The following EYA1 variants were observed in gnomAD, a reference collection of about 807,000 sequenced individuals.
EYA1 encodes the protein EYA transcriptional coactivator and phosphatase 1.
EYA1 carries 16 observed loss-of-function variants against 82.0 expected under a neutral mutation model. The observed-to-expected ratio is 0.20, with a 90% CI of 0.13 to 0.30. EYA1 has a LOEUF of 0.30. Among genes scored for constraint, EYA1 ranks in the 10% least tolerant of loss-of-function variants. EYA1 has a pLI of 1.00. For synonymous variants in EYA1, 261 were observed against 264.4 expected (o/e 0.99, Z 0.12); for missense variants, 633 against 730.7 (o/e 0.87, Z 1.54).
intron 2 of EYA1, among the ~76,000 whole-genome samples, chr8:71,513,628 A>G (rs1426972394): frequency 3.9e-5 from 6 of 152,032 alleles, no homozygotes; most frequent in Non-Finnish European, 7.4e-5. Context: ...TCTTTTAGTT[A>G]TTTTAAAATA....
At chr8:71,476,609 G>A (rs1163084047) in intron 2 of EYA1, among the ~76,000 whole-genome samples, 1 of 152,010 alleles carries the variant, frequency 6.6e-6, no homozygotes, top group Non-Finnish European at 1.5e-5. Flanking sequence ...CCATGCTCAT[G>A]AAATGGAAGA....
At chr8:71,255,617 ATG>A (rs1814316744) in intron 11 of EYA1, among the ~76,000 whole-genome samples, 1 of 152,234 alleles carries the variant, frequency 6.6e-6, no homozygotes, top group East Asian at 1.9e-4. Context: ...AAAAACCTAA[ATG>A]AAAGACCTAA....
chr8:71,303,013 G>A (rs1324877294), intron 7 of EYA1, among the ~76,000 whole-genome samples: 1 of 142,190 alleles, frequency 7.0e-6, no homozygotes, highest in Non-Finnish European at 1.6e-5. Context: ...CAGCAACTGT[G>A]ACTCCAATGC....
chr8:71,251,321 G>T (rs1813718858), intron 11 of EYA1, among the ~76,000 whole-genome samples: 1 of 152,170 alleles, frequency 6.6e-6, no homozygotes, highest in Non-Finnish European at 1.5e-5. Flanking sequence ...CGAAGAAATT[G>T]TACATTTACT....
chr8:71,242,665 T>C (rs76304400), intron 12 of EYA1, among the ~76,000 whole-genome samples: 4,435 of 152,220 alleles, frequency 0.029, 201 homozygotes, highest in African/African-American at 0.1. Context: ...TTATACTACA[T>C]TGAAATTGAG....
At chr8:71,506,646 C>A (rs1812215813) in intron 2 of EYA1, among the ~76,000 whole-genome samples, 4 of 152,046 alleles carry the variant, frequency 2.6e-5, no homozygotes. Context: ...TTGATAAAAG[C>A]AAATTTAAGT....
intron 11 of EYA1, among the ~76,000 whole-genome samples, chr8:71,261,274 G>A (rs971297699): frequency 6.6e-6 from 1 of 151,992 alleles, no homozygotes; most frequent in Non-Finnish European, 1.5e-5. Flanking sequence ...CTGTCTAAAG[G>A]GAGCAATATC....
intron 2 of EYA1, among the ~76,000 whole-genome samples, chr8:71,369,421 C>G (rs1563543248): frequency 6.6e-6 from 1 of 152,112 alleles, no homozygotes; most frequent in African/African-American, 2.4e-5. Context: ...AATTCTAATT[C>G]TGGTTTCAAC....
At chr8:71,509,692 C>A (rs567307702) in intron 2 of EYA1, among the ~76,000 whole-genome samples, 1 of 152,100 alleles carries the variant, frequency 6.6e-6, no homozygotes, top group African/African-American at 2.4e-5. Context: ...TATTTTTACA[C>A]GCTTCAGTAA....
intron 7 of EYA1, among the ~76,000 whole-genome samples, chr8:71,309,625 A>G (rs1433763291): frequency 6.6e-6 from 1 of 152,254 alleles, no homozygotes; most frequent in African/African-American, 2.4e-5. Context: ...TTTAAAGCAT[A>G]ACAGCATATT....
rs73286339 is a variant in EYA1, at chr8:71,220,372, C to T, written c.1141-3349G>A. Among the ~76,000 whole-genome samples, 732 of 152,186 alleles carry T rather than the reference C, an allele frequency of 4.8e-3. 6 individuals are homozygous for T. Among genetic ancestry groups the T allele is most frequent in the African/African-American group, 0.016 (681 of 41,536 alleles). Reference sequence around the variant, plus strand: ...CCACTCCAGTTCAGCATATTTTATGCGCTAATCTGTAGTGGAAGGGTCTGA... The same window carrying T: ...CCACTCCAGTTCAGCATATTTTATGTGCTAATCTGTAGTGGAAGGGTCTGA... On this transcript the variant is annotated intron_variant, in intron 12 of 17. Transcript: ENST00000340726.
chr8:71,401,984 G>A (rs1382467454), intron 2 of EYA1, among the ~76,000 whole-genome samples: 3 of 152,186 alleles, frequency 2.0e-5, no homozygotes, highest in Non-Finnish European at 4.4e-5. Flanking sequence ...GAACTGTCCA[G>A]TCACTGCCCT....
chr8:71,547,000 G>A (rs537648779), intron 1 of EYA1, among the ~76,000 whole-genome samples: 45 of 152,208 alleles, frequency 3.0e-4, no homozygotes, highest in African/African-American at 9.4e-4. Flanking sequence ...TTTACACAGC[G>A]GGCATTATTC....
rs754622295 is a variant in EYA1, at chr8:71,217,030, T to G, written c.1141-7A>C. 6 of 1,609,518 alleles carry G rather than the reference T, an allele frequency of 3.7e-6. No homozygotes were observed. The highest frequency in any genetic ancestry group is 5.1e-6 in the Non-Finnish European group (6 of 1,176,012). On this transcript the variant is annotated splice_region_variant and splice_polypyrimidine_tract_variant and intron_variant, in intron 12 of 17. Transcript: ENST00000340726. The stretch of plus-strand genomic sequence containing the variant: ...TATGGACTTGGTCACATTCCTAAAA[T>G]GCAATTAAAATGATACATGTCAATT...
chr8:71,227,437 C>A (rs1045155040), intron 12 of EYA1, among the ~76,000 whole-genome samples: 23 of 152,220 alleles, frequency 1.5e-4, no homozygotes, highest in Middle Eastern at 3.4e-3. Context: ...TCATAAAAAT[C>A]ATTCTTTTTA....
intron 2 of EYA1, among the ~76,000 whole-genome samples, chr8:71,457,532 C>G (rs1405244115): frequency 6.6e-6 from 1 of 152,106 alleles, no homozygotes; most frequent in Non-Finnish European, 1.5e-5. Flanking sequence ...CAATGACAGA[C>G]TGGATTAAGA....
At chr8:71,544,162 AC>A (rs1554605695) in intron 1 of EYA1, among the ~76,000 whole-genome samples, 1 of 152,158 alleles carries the variant, frequency 6.6e-6, no homozygotes, top group Non-Finnish European at 1.5e-5. Context: ...CCAAAGGGCA[AC>A]TCATATTAGA....
intron 2 of EYA1, among the ~76,000 whole-genome samples, chr8:71,372,141 T>G (rs1828121248): frequency 6.6e-6 from 1 of 152,040 alleles, no homozygotes; most frequent in African/African-American, 2.4e-5. Flanking sequence ...CTCACATCAA[T>G]GGATATTATT....
At chr8:71,322,926 T>C (rs1356062876) in intron 4 of EYA1, among the ~76,000 whole-genome samples, 1 of 151,978 alleles carries the variant, frequency 6.6e-6, no homozygotes, top group Non-Finnish European at 1.5e-5. Flanking sequence ...AATGTTCAAC[T>C]AAAAAAAGGT....
Sources: gnomAD v4.1 joint callset for allele counts (sites outside exome capture counted in the v4.1 genomes callset) on GRCh38, gnomAD v4.1.1 for gene constraint, MANE v1.5 for transcripts, NCBI Gene and HGNC (gene_info 2026-07-23, HGNC 2026-07-21) for gene names.